Variants in EGFLAM observed in about 807,000 individuals in gnomAD.
The protein encoded by EGFLAM is EGF like, fibronectin type III and laminin G domains, also known as pikachurin.
Under a neutral mutation model 113.1 loss-of-function variants are expected in EGFLAM, and 79 were observed. The observed-to-expected ratio is 0.70, with a 90% CI of 0.58 to 0.84. The LOEUF is 0.84. Ranked by LOEUF, EGFLAM falls within the 40% of genes least tolerant of loss-of-function variation. The probability of loss-of-function intolerance (pLI) is 0.00; values close to 1 mark genes in which losing one functional copy is unlikely to be tolerated. For synonymous variants in EGFLAM, 504 were observed against 487.6 expected, an observed-to-expected ratio of 1.03 and a Z score of -0.44; for missense variants, 1,265 against 1,291.6, an observed-to-expected ratio of 0.98 and a Z score of 0.32.
At chr5:38,343,543 A>G (rs764310523) in intron 3 of EGFLAM, among the ~76,000 whole-genome samples, 130 of 152,294 alleles carry the variant, frequency 8.5e-4, no homozygotes, top group African/African-American at 3.1e-3. Flanking sequence ...ACAGATCCAC[A>G]TAAGGAAGAT....
At chr5:38,441,611 C>A (rs780557810) in intron 17 of EGFLAM, among the ~76,000 whole-genome samples, 3 of 151,946 alleles carry the variant, frequency 2.0e-5, no homozygotes, top group Non-Finnish European at 2.9e-5. Context: ...CACACACACA[C>A]ACACACACAC....
chr5:38,411,246 G>T (rs1473500342), intron 10 of EGFLAM, among the ~76,000 whole-genome samples: 2 of 151,984 alleles, frequency 1.3e-5, no homozygotes, highest in Non-Finnish European at 2.9e-5. Flanking sequence ...TGGCCAACAT[G>T]GCGAAACCAC....
At chr5:38,381,104 T>A (rs3110233) in intron 6 of EGFLAM, among the ~76,000 whole-genome samples, 60,260 of 152,050 alleles carry the variant, frequency 0.4, 12,368 homozygotes, top group African/African-American at 0.51. Flanking sequence ...CCACACACAA[T>A]TATCTTACCC....
chr5:38,362,538 A>G (rs1458146442), intron 5 of EGFLAM, among the ~76,000 whole-genome samples: 1 of 152,218 alleles, frequency 6.6e-6, no homozygotes, highest in East Asian at 1.9e-4. Context: ...TTTCAAAAAA[A>G]AGTGTTAGAA....
chr5:38,367,736 A>C (rs72740330), intron 5 of EGFLAM, among the ~76,000 whole-genome samples: 6 of 152,332 alleles, frequency 3.9e-5, no homozygotes, highest in Non-Finnish European at 7.4e-5. Context: ...TTGGAGGATG[A>C]TTTAAGACAA....
intron 1 of EGFLAM, among the ~76,000 whole-genome samples, chr5:38,261,675 T>A (rs970407366): frequency 2.0e-5 from 3 of 152,184 alleles, no homozygotes; most frequent in Admixed American, 6.5e-5. Flanking sequence ...TGGAGGCTGC[T>A]GTTTTGTGTG....
chr5:38,319,311 T>G (rs1337759049), intron 1 of EGFLAM, among the ~76,000 whole-genome samples: 1 of 152,142 alleles, frequency 6.6e-6, no homozygotes, highest in Non-Finnish European at 1.5e-5. Context: ...CCTAGTGGTC[T>G]TTGTACCTAG....
chr5:38,318,523 C>G (rs115045627), intron 1 of EGFLAM, among the ~76,000 whole-genome samples: 5,050 of 151,540 alleles, frequency 0.033, 109 homozygotes, highest in Middle Eastern at 0.058. Context: ...ACTATAGTAA[C>G]TCTCCTATAA....
intron 1 of EGFLAM, among the ~76,000 whole-genome samples, chr5:38,274,027 A>G (rs1757827105): frequency 1.3e-5 from 2 of 152,250 alleles, no homozygotes; most frequent in Non-Finnish European, 2.9e-5. Context: ...ACAGAGAAAT[A>G]TTAAAAAATC....
chr5:38,293,570 T>C (rs1758388478), intron 1 of EGFLAM, among the ~76,000 whole-genome samples: 1 of 152,236 alleles, frequency 6.6e-6, no homozygotes, highest in East Asian at 1.9e-4. Context: ...AAACATATTT[T>C]TTCCTTAGCT....
At chr5:38,450,528 A>G (rs1422172174) in intron 18 of EGFLAM, among the ~76,000 whole-genome samples, 1 of 152,248 alleles carries the variant, frequency 6.6e-6, no homozygotes, top group Non-Finnish European at 1.5e-5. Flanking sequence ...TTATGCTAGT[A>G]GCAATGTTAA....
chr5:38,366,123 AGTTTCC>A (rs1740053077), intron 5 of EGFLAM, among the ~76,000 whole-genome samples: 1 of 152,056 alleles, frequency 6.6e-6, no homozygotes, highest in South Asian at 2.1e-4. Flanking sequence ...ATCCTCACTA[AGTTTCC>A]TCCACCTAAG....
chr5:38,408,829 A>C (rs1274894675), intron 9 of EGFLAM, among the ~76,000 whole-genome samples, 175 bp from the exon 10 acceptor site: 1 of 152,230 alleles, frequency 6.6e-6, no homozygotes, highest in Non-Finnish European at 1.5e-5. Context: ...TTGTTTATTG[A>C]AAATGAACTG....
At chr5:38,312,374 T>G (rs1456187949) in intron 1 of EGFLAM, among the ~76,000 whole-genome samples, 2 of 151,990 alleles carry the variant, frequency 1.3e-5, no homozygotes, top group African/African-American at 4.8e-5. Flanking sequence ...CCGGAGTAGC[T>G]GGGTCTACAG....
intron 5 of EGFLAM, among the ~76,000 whole-genome samples, chr5:38,352,674 G>A (rs1205075614): frequency 6.6e-6 from 1 of 150,382 alleles, no homozygotes; most frequent in Non-Finnish European, 1.5e-5. Flanking sequence ...CAAATGTGTA[G>A]ATGTCAGAAT....
intron 11 of EGFLAM, among the ~76,000 whole-genome samples, chr5:38,414,820 C>T (rs535625520): frequency 3.3e-5 from 5 of 152,070 alleles, no homozygotes; most frequent in Admixed American, 1.3e-4. Flanking sequence ...ATGGACCCCC[C>T]CTCAAGGCCA....
intron 4 of EGFLAM, among the ~76,000 whole-genome samples, chr5:38,351,043 G>A (rs760913025): frequency 1.3e-5 from 2 of 152,170 alleles, no homozygotes; most frequent in East Asian, 3.9e-4. Flanking sequence ...GTTGATGCTG[G>A]TCACTGCTGG....
intron 1 of EGFLAM, among the ~76,000 whole-genome samples, chr5:38,326,599 T>C (rs2589825): frequency 0.38 from 56,899 of 150,724 alleles, 14,434 homozygotes; most frequent in African/African-American, 0.73. Context: ...CCCAGGTTCA[T>C]GCCATTCTCC....
rs574677808 is a variant in EGFLAM at position 38,352,233 on chromosome 5, T to G, written c.447T>G (p.His149Gln). The change falls in exon 5 of 22, where the codon CAT becomes CAG. Residue 149 changes from histidine to glutamine, a missense_variant. Physicochemically the swap from His to Gln is conservative, Grantham distance 24 (BLOSUM62 0). Coordinates refer to ENST00000322350, the MANE Select transcript of EGFLAM (RefSeq NM_152403.4). Reference protein sequence around the residue: ...CLPPAAPQQPHVIVVSDSEVA... With the variant: ...CLPPAAPQQPQVIVVSDSEVA... Reference sequence around the variant, plus strand: ...CTCCTGCAGCTCCCCAGCAGCCACATGTCATTGTGGTTTCGGATTCTGAGG... The same window carrying G: ...CTCCTGCAGCTCCCCAGCAGCCACAGGTCATTGTGGTTTCGGATTCTGAGG... 1.9e-6 allele frequency: 3 copies of G among 1,614,094 alleles called. No individual in the cohort carries two copies. The South Asian group carries it at 3.3e-5, about 18-fold the overall frequency.
Sources: gnomAD v4.1 joint callset for allele counts (sites outside exome capture counted in the v4.1 genomes callset) on GRCh38, gnomAD v4.1.1 for gene constraint, MANE v1.5 for transcripts, NCBI Gene and HGNC (gene_info 2026-07-23, HGNC 2026-07-21) for gene names.